SLC35A3: variants seen among roughly 807,000 people sequenced by gnomAD.
SLC35A3 encodes the protein UDP-N-acetylglucosamine transporter.
A neutral mutation model predicts 39.0 loss-of-function variants in SLC35A3; 26 were observed. That is an observed-to-expected ratio of 0.67 (90% CI 0.49 to 0.92). The LOEUF (loss-of-function observed/expected upper bound fraction) is 0.92. SLC35A3 is among the 40% of genes least tolerant of loss of function. SLC35A3 has a pLI of 0.00. For missense variants in SLC35A3, 299 were observed against 371.6 expected (o/e 0.80, Z 1.61); for synonymous variants, 135 against 133.1 (o/e 1.01, Z -0.10).
chr1:100,009,849 C>T (rs1659500084), intron 4 of SLC35A3, among the ~76,000 whole-genome samples: 1 of 152,110 alleles, frequency 6.6e-6, no homozygotes, highest in Non-Finnish European at 1.5e-5. Context: ...GGTATGGGTA[C>T]ATTTTAATCA....
At chr1:99,999,125 T>C in intron 2 of SLC35A3, 136 bp from the exon 3 acceptor site, 1 of 462,212 alleles carries the variant, frequency 2.2e-6, no homozygotes, top group South Asian at 5.4e-5. Context: ...CATAAAGATA[T>C]ATTTTAGTCC....
Position 99,999,244 on chromosome 1 carries a change from C to A in SLC35A3, c.188-17C>A. On this transcript the variant is annotated splice_polypyrimidine_tract_variant and intron_variant, in intron 2 of 7. Coordinates refer to ENST00000533028, the MANE Select transcript of SLC35A3 (RefSeq NM_012243.3). The stretch of plus-strand genomic sequence containing the variant: ...CAGAGTTACTTAATTACTGATTTTT[C>A]TCATATTATTTTCTAGAATGTAGTC... 6.8e-7 allele frequency: 1 copy of A among 1,461,658 alleles called. No homozygotes were observed. Among genetic ancestry groups the A allele is most frequent in the South Asian group, 1.4e-5 (1 of 69,710 alleles). 90.5% of individuals were successfully genotyped at this position (1,461,658 alleles called of 1,614,324 possible). A position where few individuals can be genotyped will look rare whatever the true frequency, so the allele number is the denominator to read the frequency against.
chr1:100,009,799 AT>A (rs1475990682), intron 4 of SLC35A3, among the ~76,000 whole-genome samples: 1 of 152,212 alleles, frequency 6.6e-6, no homozygotes. Context: ...GGCATTTTTA[AT>A]AGATATAAAG....
chr1:99,995,104 T>TTTTCTTTCTTTCTTTCTTTCTTTC (rs58899984), intron 2 of SLC35A3, among the ~76,000 whole-genome samples: 7 of 113,472 alleles, frequency 6.2e-5, no homozygotes, highest in African/African-American at 1.8e-4. Context: ...TTTTTGTGTA[T>TTTTCTTTCTTTCTTTCTTTCTTTC]TTTCTTTCTT....
At chr1:99,992,387 T>C (rs1466412986) in intron 1 of SLC35A3, among the ~76,000 whole-genome samples, 1 of 152,128 alleles carries the variant, frequency 6.6e-6, no homozygotes. Context: ...TTTCTTTAAT[T>C]TTTTTAGTTA....
At chr1:100,009,118 TG>T (rs1193224681) in intron 4 of SLC35A3, 1 of 152,212 alleles carries the variant, frequency 6.6e-6, no homozygotes, top group Non-Finnish European at 1.5e-5. Context: ...GTACTTATCT[TG>T]TATAATCTCA....
At chr1:99,990,427 A>T (rs1352312048) in intron 1 of SLC35A3, among the ~76,000 whole-genome samples, 2 of 152,070 alleles carry the variant, frequency 1.3e-5, no homozygotes, top group Non-Finnish European at 2.9e-5. Context: ...TACAAAAATT[A>T]GCTGGGTGTG....
chr1:99,990,051 C>T (rs1657984113), intron 1 of SLC35A3, among the ~76,000 whole-genome samples: 1 of 152,192 alleles, frequency 6.6e-6, no homozygotes. Flanking sequence ...GCCACTGCAC[C>T]TGGCCCGATT....
rs1458159201 is a variant in SLC35A3, at chr1:100,025,377, A to G, written c.*2901A>G. The G allele has an allele frequency of 2.6e-5, 4 of 152,238 alleles. No individual in the cohort carries two copies. Among genetic ancestry groups the G allele is most frequent in the African/African-American group, 9.6e-5 (4 of 41,464 alleles). 9.4% of individuals were successfully genotyped at this position (152,238 alleles called of 1,614,324 possible). A position where few individuals can be genotyped will look rare whatever the true frequency, so the allele number is the denominator to read the frequency against. On this transcript the variant is annotated 3_prime_UTR_variant, in exon 8 of 8. Transcript: ENST00000533028. ...TTAAAAAATTATACAAGCAAATTAG[A>G]TATTAGACATGTTAGTTACAATGGT...
intron 3 of SLC35A3, among the ~76,000 whole-genome samples, chr1:100,003,612 G>A (rs1658990775): frequency 6.6e-6 from 1 of 152,100 alleles, no homozygotes; most frequent in Non-Finnish European, 1.5e-5. Context: ...GAAGTGTTTT[G>A]TGAATGTCTG....
At chr1:99,990,465 T>C (rs774846950) in intron 1 of SLC35A3, among the ~76,000 whole-genome samples, 14 of 152,032 alleles carry the variant, frequency 9.2e-5, no homozygotes, top group Non-Finnish European at 1.6e-4. Context: ...TTCCAGCTAC[T>C]CGGGAGGCTG....
Position 100,035,537 on chromosome 1 carries a change from T to C in SLC35A3, c.*13061T>C, listed in dbSNP as rs561551694. 1.3e-5 allele frequency: 2 copies of C among 152,374 alleles called. No homozygotes were observed. Among genetic ancestry groups the C allele is most frequent in the African/African-American group, 4.8e-5 (2 of 41,578 alleles). 9.4% of individuals were successfully genotyped at this position (152,374 alleles called of 1,614,324 possible). A position where few individuals can be genotyped will look rare whatever the true frequency, so the allele number is the denominator to read the frequency against. On this transcript the variant is annotated 3_prime_UTR_variant, in exon 8 of 8. Transcript: ENST00000533028. ...GCAATCTGCAATTACCTTCCTTTTGTTTTGTAACTGTGTCCCCCACTAGAA... is the reference window on the plus strand; with the variant it reads ...GCAATCTGCAATTACCTTCCTTTTGCTTTGTAACTGTGTCCCCCACTAGAA...
chr1:99,975,674 G>GGC (rs1410579618), intron 1 of SLC35A3, among the ~76,000 whole-genome samples: 1 of 152,204 alleles, frequency 6.6e-6, no homozygotes, highest in African/African-American at 2.4e-5. Context: ...AATAGTTTAT[G>GGC]GCAGGAAATG....
intron 4 of SLC35A3, chr1:100,009,440 T>C (rs2101341941): frequency 6.6e-6 from 1 of 152,318 alleles, no homozygotes; most frequent in East Asian, 1.9e-4. Context: ...AGAGATGAAA[T>C]TACAAAATAC....
At chr1:99,972,199 C>G (rs2101007536) in intron 1 of SLC35A3, among the ~76,000 whole-genome samples, 1 of 152,140 alleles carries the variant, frequency 6.6e-6, no homozygotes, top group Non-Finnish European at 1.5e-5. Flanking sequence ...CTACGCCCAG[C>G]CCATTTTTTT....
intron 1 of SLC35A3, among the ~76,000 whole-genome samples, chr1:99,991,225 A>G (rs1389325324): frequency 1.3e-5 from 2 of 152,156 alleles, no homozygotes; most frequent in African/African-American, 4.8e-5. Context: ...AGCTCACTGC[A>G]ACCTTCGCCT....
rs1233008913 is a variant in SLC35A3 at position 100,035,241 on chromosome 1, C to T, written c.*12765C>T. ...TACAATGTAATGCTGTGTAGTCATA[C>T]TGTATTTTTTACTTGTATTTTTGTT... On this transcript the variant is annotated 3_prime_UTR_variant, in exon 8 of 8. Transcript: ENST00000533028. The T allele has an allele frequency of 6.6e-6, 1 of 152,128 alleles. No homozygotes were observed. Among genetic ancestry groups the T allele is most frequent in the Admixed American group, 6.6e-5 (1 of 15,266 alleles). 9.4% of individuals were successfully genotyped at this position (152,128 alleles called of 1,614,324 possible).
chr1:99,977,841 C>T (rs11810989), intron 1 of SLC35A3, among the ~76,000 whole-genome samples: 6,733 of 152,194 alleles, frequency 0.044, 173 homozygotes, highest in African/African-American at 0.06. Flanking sequence ...GCCTGGCCCT[C>T]GTATGCTTTA....
chr1:99,998,961 A>C (rs1283770138), intron 2 of SLC35A3, among the ~76,000 whole-genome samples: 1 of 152,100 alleles, frequency 6.6e-6, no homozygotes. Context: ...ACAAATTAAA[A>C]CTTTGAGATT....
Sources: allele counts gnomAD v4.1 joint callset (sites outside exome capture counted in the v4.1 genomes callset), GRCh38; gene constraint gnomAD v4.1.1; transcripts MANE v1.5; gene names NCBI Gene and HGNC (gene_info 2026-07-23, HGNC 2026-07-21).